The following TGM2 variants were observed in gnomAD, a reference collection of about 807,000 sequenced individuals.
TGM2 encodes the protein transglutaminase 2, also known as protein-glutamine gamma-glutamyltransferase 2.
A neutral mutation model predicts 75.6 loss-of-function variants in TGM2; 53 were observed. The ratio of observed to expected loss-of-function variants is 0.70; its 90% CI spans 0.56 to 0.88. The LOEUF (loss-of-function observed/expected upper bound fraction) is 0.88. Ranked by LOEUF, TGM2 falls within the 40% of genes least tolerant of loss-of-function variation. TGM2 has a pLI of 0.00. For synonymous variants in TGM2, 374 were observed against 381.1 expected (o/e 0.98, Z 0.22); for missense variants, 842 against 928.5 (o/e 0.91, Z 1.21).
intron 10 of TGM2, among the ~76,000 whole-genome samples, chr20:38,135,210 C>G (rs1379940259): frequency 6.6e-6 from 1 of 152,138 alleles, no homozygotes; most frequent in Non-Finnish European, 1.5e-5. Context: ...TGTGTCTGGC[C>G]CAGGCCTGGA....
chr20:38,153,977 G>A (rs191140958), intron 3 of TGM2, among the ~76,000 whole-genome samples: 3 of 152,088 alleles, frequency 2.0e-5, no homozygotes, highest in African/African-American at 7.2e-5. Flanking sequence ...TCATCACATC[G>A]GTCTAATTTT....
Position 38,141,300 on chromosome 20 carries a change from G to A in TGM2, c.1081C>T (p.Pro361Ser). ...CACGCACCTTCGCTCTTCTCCTGGG[G>A]CGTTGGGTCCAGGGCCTGCCAGCCC... ...YEGWQALDPT[P>S]QEKSEGTYCC... Residue 361 changes from proline to serine, a missense_variant, in exon 8 of 13, where the codon CCC becomes TCC. Transcript: ENST00000361475. 1.9e-6 allele frequency: 3 copies of A among 1,580,600 alleles called. No individual in the cohort carries two copies. The highest frequency in any genetic ancestry group is 2.6e-6 in the Non-Finnish European group (3 of 1,163,034).
chr20:38,158,407 C>T (rs1032568340), intron 2 of TGM2, among the ~76,000 whole-genome samples: 2 of 152,184 alleles, frequency 1.3e-5, no homozygotes, highest in Non-Finnish European at 2.9e-5. Context: ...CCACTCTGGG[C>T]CCAAATGACC....
In TGM2 at chr20:38,139,328, C is replaced by T. The variant is rs144771676; in HGVS notation, c.1342+84G>A. On this transcript the variant is annotated intron_variant, in intron 9 of 12. Coordinates refer to ENST00000361475, the MANE Select transcript of TGM2 (RefSeq NM_004613.4). The stretch of plus-strand genomic sequence containing the variant: ...TACGTAGGCTACCAATTAAAACACA[C>T]GCACACACATACACGAGCCTGCCGG... 989 of 1,598,850 alleles carry T rather than the reference C, an allele frequency of 6.2e-4. 5 individuals carry two copies. The African/African-American group carries it at 0.011, about 18-fold the overall frequency.
chr20:38,132,529 A>G, intron 10 of TGM2, 29 bp from the exon 11 acceptor site: 2 of 1,613,666 alleles, frequency 1.2e-6, no homozygotes, highest in African/African-American at 1.3e-5. Flanking sequence ...GAGGGTGCTC[A>G]TGATGCAGAA....
intron 2 of TGM2, 124 bp from the exon 3 acceptor site, chr20:38,156,213 T>G (rs2075185545): frequency 1.6e-6 from 2 of 1,269,964 alleles, no homozygotes; most frequent in African/African-American, 3.0e-5. Flanking sequence ...GAAATAAGTT[T>G]GGCAAGAAGT....
Position 38,155,944 on chromosome 20 carries a change from G to T in TGM2, c.336C>A (p.Ile112=). Residue 112 remains isoleucine, a synonymous_variant, in exon 3 of 13, where the codon ATC becomes ATA. Transcript: ENST00000361475. ...CCTCCAGGCTGAGGCGATACAGGCCGATGGGGGCGTTGGCCGGGGTGGTGA... is the reference window on the plus strand; with the variant it reads ...CCTCCAGGCTGAGGCGATACAGGCCTATGGGGGCGTTGGCCGGGGTGGTGA... ...LQLTTPANAP[I]GLYRLSLEAS... The T allele has an allele frequency of 6.2e-7, 1 of 1,612,344 alleles. No individual in the cohort carries two copies. Among genetic ancestry groups the T allele is most frequent in the Non-Finnish European group, 8.5e-7 (1 of 1,179,460 alleles).
rs540282079 is a variant in TGM2, at chr20:38,162,288, A to G, written c.11-689T>C. On this transcript the variant is annotated intron_variant, in intron 1 of 12. Coordinates refer to ENST00000361475, the MANE Select transcript of TGM2 (RefSeq NM_004613.4). ...CTGTTGTGTAATAAATACTCAATAA[A>G]CACGAGCTATTCTATTGCTATCAGA... Among the ~76,000 whole-genome samples, 21 of 152,360 alleles carry G rather than the reference A, an allele frequency of 1.4e-4. No individual in the cohort carries two copies. The South Asian group carries it at 4.3e-3, about 32-fold the overall frequency.
chr20:38,137,073 G>A (rs931696064), intron 10 of TGM2, among the ~76,000 whole-genome samples: 9 of 152,178 alleles, frequency 5.9e-5, no homozygotes, highest in Non-Finnish European at 1.3e-4. Flanking sequence ...TCAAGTCCAG[G>A]AAGAAAGCAC....
Position 38,139,492 on chromosome 20 carries a change from A to G in TGM2, c.1262T>C (p.Ile421Thr). Residue 421 changes from isoleucine (I) to threonine (T), a missense_variant, in exon 9 of 13, where the codon ATC becomes ACC. Ile to Thr is a moderately conservative substitution (Grantham distance 89). Coordinates refer to ENST00000361475, the MANE Select transcript of TGM2 (RefSeq NM_004613.4). ...CTTAGTGCTGATCTTCAGCCCAACG[A>G]TCAGGGAACGGTTGATGGATTTGTG... ...SVHKSINRSL[I>T]VGLKISTKSV... 6.2e-7 allele frequency: 1 copy of G among 1,614,176 alleles called. No individual in the cohort carries two copies. Among genetic ancestry groups the G allele is most frequent in the Non-Finnish European group, 8.5e-7 (1 of 1,180,018 alleles).
At chr20:38,153,450 G>A (rs759794307) in intron 3 of TGM2, among the ~76,000 whole-genome samples, 4 of 150,240 alleles carry the variant, frequency 2.7e-5, no homozygotes, top group African/African-American at 4.9e-5. Flanking sequence ...ATTTCAACCC[G>A]GGAGGCAGAG....
intron 1 of TGM2, among the ~76,000 whole-genome samples, chr20:38,164,127 G>A (rs932359836): frequency 6.6e-6 from 1 of 152,214 alleles, no homozygotes. Flanking sequence ...GCATGGGGGT[G>A]AGAAGATGCA....
intron 1 of TGM2, among the ~76,000 whole-genome samples, chr20:38,163,785 T>C (rs2075281260): frequency 6.6e-6 from 1 of 152,126 alleles, no homozygotes; most frequent in African/African-American, 2.4e-5. Flanking sequence ...CGAGGAAATG[T>C]TTTTGGAAAC....
chr20:38,160,769 C>T (rs554375130), intron 2 of TGM2, among the ~76,000 whole-genome samples: 1 of 152,288 alleles, frequency 6.6e-6, no homozygotes, highest in Non-Finnish European at 1.5e-5. Flanking sequence ...GGCTGGGTTG[C>T]GTGGATTTCA....
intron 5 of TGM2, among the ~76,000 whole-genome samples, chr20:38,147,135 G>A (rs914138216): frequency 6.6e-6 from 1 of 152,104 alleles, no homozygotes; most frequent in African/African-American, 2.4e-5. Context: ...GGACTTGAAC[G>A]CGATACTGGG....
At chr20:38,150,232 C>G (rs1326484728) in intron 4 of TGM2, among the ~76,000 whole-genome samples, 1 of 152,206 alleles carries the variant, frequency 6.6e-6, no homozygotes, top group African/African-American at 2.4e-5. Context: ...CCACGTGAAA[C>G]AGATGAGCCA....
intron 8 of TGM2, 35 bp from the exon 9 acceptor site, chr20:38,139,689 G>C: frequency 1.2e-6 from 2 of 1,613,064 alleles, no homozygotes; most frequent in Non-Finnish European, 1.7e-6. Flanking sequence ...GATGGGCCTG[G>C]GTGAAGGTTG....
Position 38,132,494 on chromosome 20 carries a change from C to G in TGM2, c.1622G>C (p.Ser541Thr), listed in dbSNP as rs1361682266. Residue 541 changes from serine (S) to threonine (T), a missense_variant, in exon 11 of 13, where the codon AGC becomes ACC. By Grantham distance (58) the Ser-to-Thr change is moderately conservative. Transcript: ENST00000361475. ...CTCATAGAGGATGCAAAGAGGAACG[C>G]TCTTCTCTGCAGAAGGGGAGAAAGG... ...NLNLEPFSEK[S>T]VPLCILYEKY... 1 of 1,614,160 alleles carries G rather than the reference C, an allele frequency of 6.2e-7. No homozygotes were observed. The highest frequency in any genetic ancestry group is 8.5e-7 in the Non-Finnish European group (1 of 1,180,020).
At chr20:38,132,770 C>A in intron 10 of TGM2, 1 of 551,592 alleles carries the variant, frequency 1.8e-6, no homozygotes, top group Non-Finnish European at 3.5e-6. Flanking sequence ...TGGGTGACCC[C>A]GCGTGAGCCA....
Sources: allele counts gnomAD v4.1 joint callset (sites outside exome capture counted in the v4.1 genomes callset), GRCh38; gene constraint gnomAD v4.1.1; transcripts MANE v1.5; gene names NCBI Gene and HGNC (gene_info 2026-07-23, HGNC 2026-07-21).